Variants in TOGARAM1 observed in about 807,000 individuals in gnomAD.
The protein encoded by TOGARAM1 is TOG array regulator of axonemal microtubules 1.
A neutral mutation model predicts 166.6 loss-of-function variants in TOGARAM1; 100 were observed. That is an observed-to-expected ratio of 0.60 (90% CI 0.51 to 0.71). The LOEUF (loss-of-function observed/expected upper bound fraction) is 0.71, where lower values mean the gene tolerates loss of function less well. Among genes scored for constraint, TOGARAM1 ranks in the 30% least tolerant of loss-of-function variants. TOGARAM1 has a pLI of 0.00. For missense variants in TOGARAM1, 2,029 were observed against 2,102.7 expected (o/e 0.96, Z 0.69); for synonymous variants, 758 against 763.8 (o/e 0.99, Z 0.13).
At chr14:45,003,522 C>A (rs1371952515) in intron 3 of TOGARAM1, among the ~76,000 whole-genome samples, 1 of 152,000 alleles carries the variant, frequency 6.6e-6, no homozygotes, top group African/African-American at 2.4e-5. Context: ...GTGATCAGAT[C>A]TTGTTTTTTT....
intron 18 of TOGARAM1, among the ~76,000 whole-genome samples, chr14:45,070,107 G>C (rs952776019): frequency 6.6e-6 from 1 of 152,016 alleles, no homozygotes; most frequent in Non-Finnish European, 1.5e-5. Context: ...GCATGAACCC[G>C]GGAGGTGGAG....
chr14:45,004,727 C>A (rs1594644893), intron 4 of TOGARAM1, among the ~76,000 whole-genome samples: 1 of 152,150 alleles, frequency 6.6e-6, no homozygotes, highest in Admixed American at 6.6e-5. Context: ...GCTGGGATTA[C>A]AGGCTTGAGC....
chr14:44,984,867 G>C (rs1374772469), intron 1 of TOGARAM1, among the ~76,000 whole-genome samples: 1 of 151,974 alleles, frequency 6.6e-6, no homozygotes, highest in Admixed American at 6.6e-5. Context: ...AAAGCATATC[G>C]ATTACCTTGT....
At position 45,008,909 on chromosome 14, in the gene TOGARAM1, T is replaced by C. The variant is rs893848592; in HGVS notation, c.2905-4T>C. On this transcript the variant is annotated splice_polypyrimidine_tract_variant and splice_region_variant and intron_variant, in intron 5 of 19. Transcript: ENST00000361462. ...TAAAGTTTATTGTTTTCATTTTTTC[T>C]TAGATGCATAGCTCTCTTAGGTCCC... The C allele has an allele frequency of 2.3e-5, 37 of 1,587,108 alleles. No individual in the cohort carries two copies. Among genetic ancestry groups the C allele is most frequent in the Non-Finnish European group, 3.0e-5 (35 of 1,169,622 alleles).
intron 11 of TOGARAM1, among the ~76,000 whole-genome samples, chr14:45,041,144 T>C (rs1374212235): frequency 6.6e-6 from 1 of 152,192 alleles, no homozygotes; most frequent in Non-Finnish European, 1.5e-5. Context: ...GGCTCACGCC[T>C]GTAATCTTAG....
At chr14:45,059,696 A>G (rs1028390037) in intron 16 of TOGARAM1, among the ~76,000 whole-genome samples, 7 of 151,820 alleles carry the variant, frequency 4.6e-5, no homozygotes, top group African/African-American at 1.7e-4. Flanking sequence ...AAAAACAAAC[A>G]CTATTGAAAA....
chr14:45,056,506 G>T (rs745886200), intron 16 of TOGARAM1, among the ~76,000 whole-genome samples: 3 of 152,046 alleles, frequency 2.0e-5, no homozygotes, highest in African/African-American at 7.2e-5. Context: ...TGGGTTTATT[G>T]TATATGGCCT....
intron 14 of TOGARAM1, among the ~76,000 whole-genome samples, chr14:45,048,485 T>G (rs1882197765): frequency 6.6e-6 from 1 of 152,146 alleles, no homozygotes; most frequent in Non-Finnish European, 1.5e-5. Flanking sequence ...ATACAGAAAG[T>G]AAATATATTA....
chr14:45,035,454 G>A (rs1402268313), intron 11 of TOGARAM1, among the ~76,000 whole-genome samples: 6 of 152,072 alleles, frequency 3.9e-5, no homozygotes, highest in Non-Finnish European at 8.8e-5. Context: ...TTCAAGTTAT[G>A]TGTAATTGGA....
chr14:44,965,657 G>T (rs1188233582), intron 1 of TOGARAM1, among the ~76,000 whole-genome samples: 1 of 152,024 alleles, frequency 6.6e-6, no homozygotes, highest in Non-Finnish European at 1.5e-5. Flanking sequence ...TCCCATCACT[G>T]GTGATGCTTA....
intron 16 of TOGARAM1, among the ~76,000 whole-genome samples, chr14:45,055,842 C>CTT (rs770271609): frequency 0.043 from 4,291 of 99,162 alleles, 279 homozygotes; most frequent in African/African-American, 0.15. Flanking sequence ...TACTTGGGCT[C>CTT]TTTTTTTTTT....
intron 10 of TOGARAM1, among the ~76,000 whole-genome samples, chr14:45,030,306 T>C (rs973591999): frequency 6.6e-5 from 10 of 152,216 alleles, no homozygotes; most frequent in Non-Finnish European, 2.9e-5. Context: ...CTCTTTCTAA[T>C]GAGTTATTGT....
chr14:45,008,703 C>G (rs188231534), intron 5 of TOGARAM1, among the ~76,000 whole-genome samples: 7 of 152,070 alleles, frequency 4.6e-5, no homozygotes, highest in Non-Finnish European at 7.4e-5. Context: ...TCTCAAGGAG[C>G]TTTCAACCCA....
chr14:45,014,909 C>G (rs1880025058), intron 7 of TOGARAM1, among the ~76,000 whole-genome samples: 1 of 152,182 alleles, frequency 6.6e-6, no homozygotes, highest in African/African-American at 2.4e-5. Context: ...TCTCTGTGAA[C>G]TTACTTAGTG....
intron 5 of TOGARAM1, chr14:45,007,738 A>G (rs1381047070): frequency 1.3e-5 from 2 of 152,220 alleles, no homozygotes; most frequent in Admixed American, 6.5e-5. Context: ...TGACAAAAGC[A>G]TAAGTTTTCA....
intron 11 of TOGARAM1, among the ~76,000 whole-genome samples, chr14:45,034,409 T>C (rs1881323096): frequency 6.6e-6 from 1 of 152,268 alleles, no homozygotes; most frequent in South Asian, 2.1e-4. Context: ...GAATGCCAGA[T>C]AGAGCTCCAC....
At chr14:45,048,621 G>A (rs1264508760) in intron 14 of TOGARAM1, among the ~76,000 whole-genome samples, 1 of 152,222 alleles carries the variant, frequency 6.6e-6, no homozygotes, top group Admixed American at 6.5e-5. Flanking sequence ...TATGGTTTCA[G>A]AAGGCCAAAA....
intron 16 of TOGARAM1, among the ~76,000 whole-genome samples, chr14:45,061,734 G>C (rs10144179): frequency 0.046 from 7,038 of 151,596 alleles, 531 homozygotes; most frequent in African/African-American, 0.16. Flanking sequence ...GATGATGTGT[G>C]ATATTTTTAA....
intron 3 of TOGARAM1, among the ~76,000 whole-genome samples, chr14:45,003,807 A>ATATGTATAC (rs375115435): frequency 1.3e-5 from 2 of 152,078 alleles, no homozygotes; most frequent in African/African-American, 2.4e-5. Context: ...GTATGTATGT[A>ATATGTATAC]ATTGATAAAA....
Sources: allele counts gnomAD v4.1 joint callset (sites outside exome capture counted in the v4.1 genomes callset), GRCh38; gene constraint gnomAD v4.1.1; transcripts MANE v1.5; gene names NCBI Gene and HGNC (gene_info 2026-07-23, HGNC 2026-07-21).